UBTD1: variants seen among roughly 807,000 people sequenced by gnomAD.
The protein encoded by UBTD1 is ubiquitin domain containing 1, also known as ubiquitin domain-containing protein 1.
In UBTD1, 19 loss-of-function variants were observed where a neutral mutation model predicts 21.7. The ratio of observed to expected loss-of-function variants is 0.87; its 90% CI spans 0.61 to 1.28. The LOEUF is 1.28. Among genes scored for constraint, UBTD1 ranks in the 50% most tolerant of loss-of-function variants. The pLI is 0.00. For synonymous variants in UBTD1, 116 were observed against 135.1 expected, an observed-to-expected ratio of 0.86 and a Z score of 0.98; for missense variants, 282 against 315.1, an observed-to-expected ratio of 0.89 and a Z score of 0.80.
chr10:97,528,283 C>T (rs1489632113), intron 1 of UBTD1, among the ~76,000 whole-genome samples: 88 of 133,376 alleles, frequency 6.6e-4, no homozygotes, highest in African/African-American at 1.7e-3. Context: ...CCGGACGGGG[C>T]GGCTGGCCGG....
chr10:97,558,469 G>C (rs1377146960), intron 1 of UBTD1, among the ~76,000 whole-genome samples: 1 of 152,158 alleles, frequency 6.6e-6, no homozygotes, highest in African/African-American at 2.4e-5. Flanking sequence ...CTTTGGACGT[G>C]GGGGCAGCCT....
chr10:97,553,812 G>A (rs746674477), intron 1 of UBTD1, among the ~76,000 whole-genome samples: 2 of 152,206 alleles, frequency 1.3e-5, no homozygotes, highest in African/African-American at 4.8e-5. Flanking sequence ...CAGCCACAGA[G>A]GCCCTACCTG....
chr10:97,560,840 C>CA (rs1402748407), intron 1 of UBTD1, among the ~76,000 whole-genome samples: 1 of 151,864 alleles, frequency 6.6e-6, no homozygotes, highest in Non-Finnish European at 1.5e-5. Context: ...CCCCACAAAA[C>CA]AAAAAACAGG....
chr10:97,558,958 T>C (rs930711650), intron 1 of UBTD1, among the ~76,000 whole-genome samples: 7 of 152,172 alleles, frequency 4.6e-5, no homozygotes, highest in African/African-American at 1.7e-4. Flanking sequence ...CCACTCTAGT[T>C]ATTCAGCAGA....
At chr10:97,530,956 C>T (rs377185645) in intron 1 of UBTD1, among the ~76,000 whole-genome samples, 11 of 151,926 alleles carry the variant, frequency 7.2e-5, no homozygotes, top group East Asian at 5.8e-4. Context: ...GGCGCGATCT[C>T]GGCTCATTAA....
chr10:97,517,656 C>T (rs944716387), intron 1 of UBTD1, among the ~76,000 whole-genome samples: 1 of 152,152 alleles, frequency 6.6e-6, no homozygotes, highest in Non-Finnish European at 1.5e-5. Flanking sequence ...GGCTTCTTTT[C>T]TGGCCCTGGG....
intron 1 of UBTD1, among the ~76,000 whole-genome samples, chr10:97,556,335 G>A (rs1218436291): frequency 6.6e-6 from 1 of 152,054 alleles, no homozygotes. Flanking sequence ...AATTAGTAAG[G>A]TTAAATTTTT....
At chr10:97,514,956 GC>G (rs1250623526) in intron 1 of UBTD1, among the ~76,000 whole-genome samples, 16 of 152,194 alleles carry the variant, frequency 1.1e-4, no homozygotes, top group African/African-American at 3.9e-4. Flanking sequence ...AGAGAGTCTG[GC>G]CTCGTGCATA....
intron 1 of UBTD1, among the ~76,000 whole-genome samples, chr10:97,517,601 A>T (rs1013896314): frequency 1.6e-4 from 24 of 152,050 alleles, no homozygotes; most frequent in African/African-American, 2.4e-5. Flanking sequence ...GACTGCAGTC[A>T]CTCGTGGCAT....
intron 1 of UBTD1, among the ~76,000 whole-genome samples, chr10:97,528,404 TC>T (rs2040504210): frequency 3.9e-5 from 1 of 25,502 alleles, no homozygotes; most frequent in Admixed American, 3.8e-4. Flanking sequence ...GGGGGCTGAC[TC>T]CCCCACCTCC....
rs1274090514 is a variant in UBTD1 at position 97,499,181 on chromosome 10, TG to T, written c.-19del. On this transcript the variant is annotated 5_prime_UTR_variant, in exon 1 of 3. The change abolishes the stop of an existing upstream ORF in the 5' untranslated region. Transcript: ENST00000370664. Reference sequence around the variant, plus strand: ...CGACCACCCCGCCGCCTCCGGTGCATGGGGACTGGCTGAGGAGCCAGCATGG... The same window carrying T: ...CGACCACCCCGCCGCCTCCGGTGCATGGGACTGGCTGAGGAGCCAGCATGG... 2.5e-5 allele frequency: 38 copies of T among 1,528,048 alleles called. No individual in the cohort carries two copies. In the African/African-American group the frequency reaches 3.4e-4, roughly 14 times the overall value. The allele number at this position is 1,528,048 out of a possible 1,614,324, so 94.7% of individuals were successfully genotyped here.
At chr10:97,510,164 T>C (rs913059489) in intron 1 of UBTD1, among the ~76,000 whole-genome samples, 3 of 150,344 alleles carry the variant, frequency 2.0e-5, no homozygotes, top group African/African-American at 7.4e-5. Flanking sequence ...GGGGTTTCAC[T>C]GTGTTGGCCA....
chr10:97,523,246 T>C (rs1355502836), intron 1 of UBTD1, among the ~76,000 whole-genome samples: 2 of 152,122 alleles, frequency 1.3e-5, no homozygotes, highest in Non-Finnish European at 2.9e-5. Context: ...TTATAGACAG[T>C]GTCTTCACCC....
intron 1 of UBTD1, among the ~76,000 whole-genome samples, chr10:97,527,830 A>G (rs1269403642): frequency 6.6e-6 from 1 of 152,170 alleles, no homozygotes; most frequent in African/African-American, 2.4e-5. Context: ...GAACAAAATG[A>G]AAAGTCTCCC....
intron 1 of UBTD1, among the ~76,000 whole-genome samples, chr10:97,545,557 G>A (rs190820318): frequency 6.6e-6 from 1 of 152,242 alleles, no homozygotes; most frequent in Admixed American, 6.5e-5. Context: ...GATTTATTAG[G>A]ATAATCTTCT....
rs184879246 is a variant in UBTD1 at position 97,561,408 on chromosome 10, A to G, written c.71-6506A>G. Among the ~76,000 whole-genome samples, 170 of 152,302 alleles carry G rather than the reference A, an allele frequency of 1.1e-3. 1 individual carries two copies. The highest frequency in any genetic ancestry group is 3.9e-3 in the African/African-American group (164 of 41,562). Reference sequence around the variant, plus strand: ...CTTTATTCAGCTGGGAGCATCTGCAAGCTACTGCCTTAAAATCCGAGCTCC... The same window carrying G: ...CTTTATTCAGCTGGGAGCATCTGCAGGCTACTGCCTTAAAATCCGAGCTCC... On this transcript the variant is annotated intron_variant, in intron 1 of 2. Coordinates refer to ENST00000370664, the MANE Select transcript of UBTD1 (RefSeq NM_024954.5).
chr10:97,567,317 A>G (rs1693122629), intron 1 of UBTD1, among the ~76,000 whole-genome samples: 1 of 147,448 alleles, frequency 6.8e-6, no homozygotes, highest in Non-Finnish European at 1.5e-5. Flanking sequence ...AAGCAATCCT[A>G]CTGCCTCCCA....
chr10:97,521,528 C>G (rs1419898632), intron 1 of UBTD1, among the ~76,000 whole-genome samples: 1 of 152,242 alleles, frequency 6.6e-6, no homozygotes, highest in Admixed American at 6.5e-5. Flanking sequence ...TCCACGACCT[C>G]TCTGACTCCA....
intron 1 of UBTD1, among the ~76,000 whole-genome samples, chr10:97,559,699 C>G (rs2135685572): frequency 6.6e-6 from 1 of 151,986 alleles, no homozygotes; most frequent in African/African-American, 2.4e-5. Flanking sequence ...TCTTTTTAAC[C>G]TTTTATAATT....
Sources: gnomAD v4.1 joint callset for allele counts (sites outside exome capture counted in the v4.1 genomes callset) on GRCh38, gnomAD v4.1.1 for gene constraint, MANE v1.5 for transcripts, NCBI Gene and HGNC (gene_info 2026-07-23, HGNC 2026-07-21) for gene names.